Variants in NIBAN1 observed in about 807,000 individuals in gnomAD.
NIBAN1 encodes the protein niban apoptosis regulator 1.
In NIBAN1, 81 loss-of-function variants were observed where a neutral mutation model predicts 75.1. The observed-to-expected ratio is 1.08, with a 90% confidence interval of 0.90 to 1.30. The LOEUF (loss-of-function observed/expected upper bound fraction) is 1.30, where lower values mean the gene tolerates loss of function less well. Among genes scored for constraint, NIBAN1 ranks in the 50% most tolerant of loss-of-function variants. The probability of loss-of-function intolerance (pLI) is 0.00; values close to 1 mark genes in which losing one functional copy is unlikely to be tolerated. For synonymous variants in NIBAN1, 436 were observed against 424.8 expected (o/e 1.03, Z -0.32); for missense variants, 1,133 against 1,128.1 (o/e 1.00, Z -0.06).
chr1:184,824,286 T>A (rs1373549305), intron 6 of NIBAN1, among the ~76,000 whole-genome samples: 1 of 151,770 alleles, frequency 6.6e-6, no homozygotes, highest in East Asian at 1.9e-4. Flanking sequence ...GGAGGAGCAG[T>A]GTGAAGAAGT....
chr1:184,839,985 G>C (rs547605883), intron 5 of NIBAN1, among the ~76,000 whole-genome samples: 1 of 152,076 alleles, frequency 6.6e-6, no homozygotes, highest in Non-Finnish European at 1.5e-5. Flanking sequence ...TCATAGATTA[G>C]AGATCACTTA....
chr1:184,812,696 C>T (rs1410025505), intron 9 of NIBAN1, among the ~76,000 whole-genome samples: 1 of 152,160 alleles, frequency 6.6e-6, no homozygotes, highest in Non-Finnish European at 1.5e-5. Context: ...GTAGTTAAAG[C>T]CTTTGCAAAC....
chr1:184,913,794 A>G (rs1052968559), intron 1 of NIBAN1, among the ~76,000 whole-genome samples: 6 of 152,194 alleles, frequency 3.9e-5, no homozygotes, highest in African/African-American at 1.4e-4. Context: ...CACACTGCGA[A>G]AAGGAAACAT....
At chr1:184,936,694 CGTGCGTGTGTGT>C (rs750742083) in intron 1 of NIBAN1, among the ~76,000 whole-genome samples, 13 of 152,066 alleles carry the variant, frequency 8.5e-5, no homozygotes, top group South Asian at 2.1e-4. Flanking sequence ...ACACTGCGTG[CGTGCGTGTGTGT>C]GTGCGTGTGT....
intron 1 of NIBAN1, among the ~76,000 whole-genome samples, chr1:184,954,797 G>C (rs1658442504): frequency 6.6e-6 from 1 of 152,196 alleles, no homozygotes; most frequent in African/African-American, 2.4e-5. Flanking sequence ...TGAATTCCAA[G>C]CCTATGTGTG....
intron 5 of NIBAN1, among the ~76,000 whole-genome samples, chr1:184,834,959 G>T (rs1655098305): frequency 6.6e-6 from 1 of 152,044 alleles, no homozygotes; most frequent in Non-Finnish European, 1.5e-5. Flanking sequence ...TTTCTTCCAG[G>T]GTTTTTATGG....
At chr1:184,936,557 AGCAGGCCCACCTGCCCTCTG>A (rs1414054734) in intron 1 of NIBAN1, among the ~76,000 whole-genome samples, 1 of 152,240 alleles carries the variant, frequency 6.6e-6, no homozygotes, top group Non-Finnish European at 1.5e-5. Flanking sequence ...TCAAGGAGTT[AGCAGGCCCACCTGCCCTCTG>A]GCAGGGCCAT....
chr1:184,899,385 C>A (rs1032067248), intron 1 of NIBAN1, 76 bp from the exon 2 acceptor site: 3 of 1,466,598 alleles, frequency 2.0e-6, no homozygotes, highest in Non-Finnish European at 2.8e-6. Flanking sequence ...CAAAAACCAT[C>A]CCTCCAGTCT....
chr1:184,858,849 A>G (rs1655743765), intron 5 of NIBAN1, among the ~76,000 whole-genome samples: 1 of 152,192 alleles, frequency 6.6e-6, no homozygotes, highest in South Asian at 2.1e-4. Context: ...ATAGCTGCTA[A>G]TAAAGGAGTT....
intron 3 of NIBAN1, 143 bp downstream of exon 3, chr1:184,893,932 T>C: frequency 1.3e-6 from 1 of 776,054 alleles, no homozygotes; most frequent in Non-Finnish European, 2.0e-6. Flanking sequence ...GAGTGCTTAT[T>C]GAATGAATCA....
At position 184,795,278 on chromosome 1, in the gene NIBAN1, C is replaced by T; in HGVS notation, c.2486G>A (p.Gly829Glu). The T allele has an allele frequency of 6.2e-7, 1 of 1,612,862 alleles. No homozygotes were observed. ...ACTLTAHEGR[G>E]GKCTEEGDAS... ...ATCCCCTTCCTCGGTACACTTGCCCCCTCTTCCTTCATGGGCAGTGAGTGT... is the reference window on the plus strand; with the variant it reads ...ATCCCCTTCCTCGGTACACTTGCCCTCTCTTCCTTCATGGGCAGTGAGTGT... Residue 829 changes from glycine to glutamate, a missense_variant, in exon 14 of 14, where the codon GGG (glycine) becomes GAG (glutamate). Physicochemically the swap from Gly to Glu is moderately conservative, Grantham distance 98. Transcript: ENST00000367511.
chr1:184,862,132 C>T (rs113444234), intron 5 of NIBAN1, among the ~76,000 whole-genome samples: 23 of 152,190 alleles, frequency 1.5e-4, no homozygotes, highest in African/African-American at 4.3e-4. Context: ...TTAGAAAAAT[C>T]GCCCGCAGAC....
chr1:184,834,850 T>C (rs2102241994), intron 5 of NIBAN1, among the ~76,000 whole-genome samples: 1 of 152,348 alleles, frequency 6.6e-6, no homozygotes, highest in South Asian at 2.1e-4. Context: ...CAGAAGCTCT[T>C]TAGTTTAATT....
chr1:184,920,743 T>C (rs952562161), intron 1 of NIBAN1, among the ~76,000 whole-genome samples: 3 of 152,196 alleles, frequency 2.0e-5, no homozygotes, highest in Non-Finnish European at 2.9e-5. Flanking sequence ...CAAAAAGAAA[T>C]GTATTTTCTG....
At chr1:184,912,098 C>G (rs982688163) in intron 1 of NIBAN1, among the ~76,000 whole-genome samples, 3 of 152,034 alleles carry the variant, frequency 2.0e-5, no homozygotes, top group African/African-American at 4.8e-5. Flanking sequence ...CTTAATTCTA[C>G]CTATCATTCT....
intron 1 of NIBAN1, among the ~76,000 whole-genome samples, chr1:184,901,105 T>A (rs578094877): frequency 2.0e-5 from 3 of 152,274 alleles, no homozygotes; most frequent in African/African-American, 7.2e-5. Context: ...AAAACACCCA[T>A]AATGTATGAA....
chr1:184,917,861 AC>A (rs899161266), intron 1 of NIBAN1, among the ~76,000 whole-genome samples: 5 of 151,946 alleles, frequency 3.3e-5, no homozygotes, highest in Non-Finnish European at 5.9e-5. Context: ...CCTCTTTTTT[AC>A]CCTTAACCAT....
chr1:184,825,252 C>G (rs10797989), intron 6 of NIBAN1, among the ~76,000 whole-genome samples: 94,253 of 152,016 alleles, frequency 0.62, 30,992 homozygotes, highest in Middle Eastern at 0.77. Flanking sequence ...TCACTGCAAT[C>G]GAGAGTCTAA....
intron 1 of NIBAN1, among the ~76,000 whole-genome samples, chr1:184,933,138 C>T (rs891199475): frequency 6.6e-6 from 1 of 152,198 alleles, no homozygotes; most frequent in Non-Finnish European, 1.5e-5. Flanking sequence ...CTTCCCTACA[C>T]TCCCACCAAA....
Sources: allele counts gnomAD v4.1 joint callset (sites outside exome capture counted in the v4.1 genomes callset), GRCh38; gene constraint gnomAD v4.1.1; transcripts MANE v1.5; gene names NCBI Gene and HGNC (gene_info 2026-07-23, HGNC 2026-07-21).